Variants in TNNI3K observed in about 807,000 individuals in gnomAD.
TNNI3K encodes serine/threonine-protein kinase TNNI3K.
In TNNI3K, 140 loss-of-function variants were observed where a neutral mutation model predicts 114.5. That is an observed-to-expected ratio of 1.22 (90% CI 1.07 to 1.41). TNNI3K has a LOEUF of 1.41. TNNI3K is among the 40% of genes most tolerant of loss of function. The pLI is 0.00. For synonymous variants in TNNI3K, 347 were observed against 347.5 expected (o/e 1.00, Z 0.02); for missense variants, 1,125 against 1,007.6 (o/e 1.12, Z -1.58).
chr1:74,446,441 C>T (rs1666684220), intron 20 of TNNI3K, among the ~76,000 whole-genome samples: 1 of 148,774 alleles, frequency 6.7e-6, no homozygotes, highest in Non-Finnish European at 1.5e-5. Flanking sequence ...TGGATATTAG[C>T]CCTTTGTCAG....
chr1:74,279,730 C>A (rs12030492), intron 5 of TNNI3K, among the ~76,000 whole-genome samples: 2 of 151,984 alleles, frequency 1.3e-5, no homozygotes, highest in Non-Finnish European at 2.9e-5. Context: ...AGCCCAGGAT[C>A]ATAATCACTC....
intron 17 of TNNI3K, among the ~76,000 whole-genome samples, chr1:74,385,805 G>A (rs1663445389): frequency 6.6e-6 from 1 of 152,140 alleles, no homozygotes. Context: ...TGATGCAAAA[G>A]ATATTCAATG....
At chr1:74,472,829 C>G (rs535729632) in intron 21 of TNNI3K, among the ~76,000 whole-genome samples, 3 of 152,230 alleles carry the variant, frequency 2.0e-5, no homozygotes, top group Admixed American at 2.0e-4. Context: ...TAAAATGGTA[C>G]AGATTAATAT....
At position 74,343,112 on chromosome 1, in the gene TNNI3K, A is replaced by G. The variant is rs201140300; in HGVS notation, c.865A>G (p.Ile289Val). Residue 289 changes from isoleucine to valine, a missense_variant, in exon 9 of 25, where the codon ATC (isoleucine) becomes GTC (valine). Transcript: ENST00000326637. Reference protein sequence around the residue: ...YNGKFEVAKEIIQISGTESLT... With the variant: ...YNGKFEVAKEVIQISGTESLT... ...TGGCAAATTTGAAGTTGCCAAGGAA[A>G]TCATCCAAATATCAGGAACAGAAAG... The G allele has an allele frequency of 2.5e-6, 4 of 1,613,426 alleles. No homozygotes were observed. The highest frequency in any genetic ancestry group is 2.7e-5 in the African/African-American group (2 of 74,904).
chr1:74,479,946 G>A (rs1026268440), intron 21 of TNNI3K, among the ~76,000 whole-genome samples: 17 of 152,190 alleles, frequency 1.1e-4, no homozygotes, highest in African/African-American at 3.6e-4. Flanking sequence ...CTGGTCCAGG[G>A]CCCTTTCCTC....
chr1:74,513,278 A>T (rs1646290404), intron 23 of TNNI3K, among the ~76,000 whole-genome samples: 1 of 152,160 alleles, frequency 6.6e-6, no homozygotes. Flanking sequence ...GGGATGTGGA[A>T]ATTTACTGAG....
intron 23 of TNNI3K, among the ~76,000 whole-genome samples, chr1:74,537,288 A>G (rs933828000): frequency 1.3e-5 from 2 of 152,208 alleles, no homozygotes; most frequent in African/African-American, 4.8e-5. Flanking sequence ...GTATATTAAT[A>G]AGGGAAATTG....
intron 23 of TNNI3K, among the ~76,000 whole-genome samples, chr1:74,494,121 T>C (rs1005089115): frequency 6.6e-6 from 1 of 152,108 alleles, no homozygotes; most frequent in Non-Finnish European, 1.5e-5. Flanking sequence ...AAAATCTTTC[T>C]CCGTCCACGT....
chr1:74,278,623 A>G (rs982293296), intron 5 of TNNI3K, among the ~76,000 whole-genome samples: 5 of 152,202 alleles, frequency 3.3e-5, no homozygotes, highest in African/African-American at 1.2e-4. Context: ...TTCATATACC[A>G]TATAATTCAT....
intron 21 of TNNI3K, among the ~76,000 whole-genome samples, chr1:74,477,499 A>T (rs560835494): frequency 7.9e-5 from 12 of 152,316 alleles, no homozygotes; most frequent in Admixed American, 4.6e-4. Context: ...ATAAATCATT[A>T]TGATGATATT....
rs922581714 is a variant in TNNI3K, at chr1:74,486,232, A to AGAGAGAGAGAGAGACT, written c.2122-2956_2122-2955insAGAGAGAGAGAGACTG. On this transcript the variant is annotated intron_variant, in intron 21 of 24. Transcript: ENST00000326637. ...GAGAGAGAGAGAGAGAGAGAGAGAG[A>AGAGAGAGAGAGAGACT]GGTGGGAAATATACTAGTTCCTTTC... 9.4e-5 allele frequency among the ~76,000 whole-genome samples: 14 copies of AGAGAGAGAGAGAGACT among 149,248 alleles called. 1 individual carries two copies. The highest frequency in any genetic ancestry group is 3.3e-4 in the African/African-American group (13 of 39,382).
At chr1:74,455,531 G>A (rs923250122) in intron 20 of TNNI3K, among the ~76,000 whole-genome samples, 3 of 152,178 alleles carry the variant, frequency 2.0e-5, no homozygotes, top group African/African-American at 7.2e-5. Flanking sequence ...GTGATTTATT[G>A]TGGTAATTGA....
chr1:74,337,280 T>C (rs1660522194), intron 7 of TNNI3K, among the ~76,000 whole-genome samples: 1 of 151,552 alleles, frequency 6.6e-6, no homozygotes, highest in African/African-American at 2.4e-5. Flanking sequence ...GTTGCGAAAA[T>C]TTTCTCCCAT....
At chr1:74,537,787 G>T (rs912650996) in intron 23 of TNNI3K, among the ~76,000 whole-genome samples, 1 of 152,120 alleles carries the variant, frequency 6.6e-6, no homozygotes, top group African/African-American at 2.4e-5. Flanking sequence ...AAGAGGAAGA[G>T]GTTAGTGCTG....
At chr1:74,289,838 T>G (rs1248693906) in intron 5 of TNNI3K, among the ~76,000 whole-genome samples, 1 of 151,946 alleles carries the variant, frequency 6.6e-6, no homozygotes, top group Admixed American at 6.5e-5. Flanking sequence ...AATGCATGAC[T>G]CTGACACCGA....
intron 4 of TNNI3K, among the ~76,000 whole-genome samples, chr1:74,265,979 T>G (rs1406099721): frequency 6.6e-6 from 1 of 152,074 alleles, no homozygotes; most frequent in Non-Finnish European, 1.5e-5. Context: ...TCATTTTCTT[T>G]GTTTTTTACA....
chr1:74,449,856 A>C (rs1039229702), intron 20 of TNNI3K, among the ~76,000 whole-genome samples: 2 of 147,742 alleles, frequency 1.4e-5, no homozygotes, highest in African/African-American at 5.1e-5. Flanking sequence ...CGAGACAGAA[A>C]GTCAACAAGG....
chr1:74,513,191 G>C (rs1052029643), intron 23 of TNNI3K, among the ~76,000 whole-genome samples: 8 of 152,232 alleles, frequency 5.3e-5, no homozygotes, highest in Non-Finnish European at 1.0e-4. Flanking sequence ...TGTGGAGAAA[G>C]AGTCCGAATG....
chr1:74,279,842 A>G (rs1441986227), intron 5 of TNNI3K, among the ~76,000 whole-genome samples: 1 of 152,188 alleles, frequency 6.6e-6, no homozygotes, highest in Non-Finnish European at 1.5e-5. Context: ...TAGTAGTAGT[A>G]TTAAAATAAG....
Sources: gnomAD v4.1 joint callset for allele counts (sites outside exome capture counted in the v4.1 genomes callset) on GRCh38, gnomAD v4.1.1 for gene constraint, MANE v1.5 for transcripts, NCBI Gene and HGNC (gene_info 2026-07-23, HGNC 2026-07-21) for gene names.